Variants in RFC3 observed in about 807,000 individuals in gnomAD.
RFC3 encodes the protein A1 38 kDa subunit.
A neutral mutation model predicts 45.1 loss-of-function variants in RFC3; 41 were observed. The observed-to-expected ratio is 0.91, with a 90% confidence interval of 0.71 to 1.18. The LOEUF is 1.18. RFC3 is among the 50% of genes most tolerant of loss of function. The probability of loss-of-function intolerance (pLI) is 0.00; values close to 1 mark genes in which losing one functional copy is unlikely to be tolerated. For missense variants in RFC3, 423 were observed against 428.1 expected (o/e 0.99, Z 0.10); for synonymous variants, 149 against 144.0 (o/e 1.03, Z -0.25).
intron 8 of RFC3, among the ~76,000 whole-genome samples, chr13:33,959,122 T>C (rs956560000): frequency 6.6e-6 from 1 of 152,152 alleles, no homozygotes; most frequent in Non-Finnish European, 1.5e-5. Flanking sequence ...GAGTGCCCTT[T>C]GGTAACACTC....
At chr13:33,959,507 A>G (rs2083042811) in intron 8 of RFC3, among the ~76,000 whole-genome samples, 2 of 152,178 alleles carry the variant, frequency 1.3e-5, no homozygotes. Context: ...CATAAATTGC[A>G]TTCTTCCTAT....
chr13:33,913,609 A>G (rs1001944003), intron 8 of RFC3, among the ~76,000 whole-genome samples: 2 of 152,086 alleles, frequency 1.3e-5, no homozygotes, highest in African/African-American at 2.4e-5. Flanking sequence ...CAGTTTCTTT[A>G]TCTTTAAATG....
intron 8 of RFC3, among the ~76,000 whole-genome samples, chr13:33,955,490 G>A (rs992977379): frequency 1.3e-5 from 2 of 152,146 alleles, no homozygotes; most frequent in Admixed American, 6.5e-5. Flanking sequence ...AAGGAGGGGC[G>A]TGAAAGGGAA....
chr13:33,901,329 A>G (rs1230092313), intron 8 of RFC3, among the ~76,000 whole-genome samples: 2 of 152,114 alleles, frequency 1.3e-5, no homozygotes, highest in African/African-American at 4.8e-5. Flanking sequence ...AAAATGTGGT[A>G]TATATACACA....
At chr13:33,856,795 G>T (rs773071327) in intron 8 of RFC3, among the ~76,000 whole-genome samples, 36 of 152,116 alleles carry the variant, frequency 2.4e-4, no homozygotes, top group African/African-American at 8.5e-4. Context: ...TGGTAATTTT[G>T]TGAGTCCTGT....
intron 8 of RFC3, among the ~76,000 whole-genome samples, chr13:33,928,501 G>A (rs1185501113): frequency 1.3e-5 from 2 of 151,994 alleles, no homozygotes; most frequent in Admixed American, 1.3e-4. Flanking sequence ...GATATTCACG[G>A]GTATACACAA....
intron 6 of RFC3, 109 bp from the exon 7 acceptor site, chr13:33,831,147 C>G: frequency 1.4e-6 from 1 of 702,372 alleles, no homozygotes; most frequent in Non-Finnish European, 2.5e-6. Context: ...CTGCTCACTC[C>G]TGCTGTGCAG....
At chr13:33,848,575 C>T (rs2082255089) in intron 8 of RFC3, 1 of 152,012 alleles carries the variant, frequency 6.6e-6, no homozygotes, top group African/African-American at 2.4e-5. Context: ...GGGTGTAAAC[C>T]TTTAGCATGT....
chr13:33,912,158 A>G (rs564304033), intron 8 of RFC3, among the ~76,000 whole-genome samples: 1 of 152,222 alleles, frequency 6.6e-6, no homozygotes, highest in South Asian at 2.1e-4. Context: ...CAAGAAAAAA[A>G]AGTCCAAATC....
chr13:33,835,043 G>A (rs2082140297), intron 7 of RFC3, 105 bp from the exon 8 acceptor site: 2 of 658,880 alleles, frequency 3.0e-6, no homozygotes, highest in Non-Finnish European at 2.7e-6. Context: ...TGTTAATTCT[G>A]TATTGGATTG....
At chr13:33,966,167 A>G (rs748419653) in exon 9 of RFC3, 2 of 1,485,286 alleles carry the variant, frequency 1.3e-6, no homozygotes, top group South Asian at 2.3e-5. Flanking sequence ...GACTTCTCTC[A>G]TCTTTTAGCA....
chr13:33,960,952 C>T (rs2083053759), intron 8 of RFC3, among the ~76,000 whole-genome samples: 1 of 152,212 alleles, frequency 6.6e-6, no homozygotes, highest in South Asian at 2.1e-4. Flanking sequence ...GTCCCTACAT[C>T]ACTAGCCATT....
intron 8 of RFC3, 71 bp from the exon 9 acceptor site, chr13:33,836,033 G>A (rs2082150785): frequency 7.0e-7 from 1 of 1,435,636 alleles, no homozygotes; most frequent in Non-Finnish European, 9.5e-7. Flanking sequence ...GTCTTTTTGT[G>A]AATGGGAGAA....
At chr13:33,886,019 T>TA (rs145940330) in intron 8 of RFC3, among the ~76,000 whole-genome samples, 9,020 of 147,580 alleles carry the variant, frequency 0.061, 356 homozygotes, top group South Asian at 0.12. Flanking sequence ...TTTTCTCCCT[T>TA]AAAAAAAAAA....
intron 7 of RFC3, among the ~76,000 whole-genome samples, chr13:33,832,033 C>T (rs1470035749): frequency 2.0e-5 from 3 of 152,140 alleles, no homozygotes; most frequent in Admixed American, 6.6e-5. Context: ...AAATTGCTTC[C>T]GTTACTTCTG....
intron 1 of RFC3, 44 bp downstream of exon 1, chr13:33,818,309 C>T: frequency 5.2e-6 from 8 of 1,552,406 alleles, no homozygotes; most frequent in Non-Finnish European, 7.1e-6. Context: ...GGAGGCCCCC[C>T]GGCTCGGGGT....
At chr13:33,860,483 A>C (rs1486924295) in intron 8 of RFC3, among the ~76,000 whole-genome samples, 5 of 152,188 alleles carry the variant, frequency 3.3e-5, no homozygotes, top group Non-Finnish European at 7.4e-5. Flanking sequence ...CAGAGGAGGC[A>C]TTCCCAGTTG....
At chr13:33,834,385 T>TTC (rs1265002754) in intron 7 of RFC3, among the ~76,000 whole-genome samples, 11 of 145,130 alleles carry the variant, frequency 7.6e-5, no homozygotes, top group African/African-American at 2.6e-4. Context: ...ATTTGGAACT[T>TTC]TCTCTCTTTT....
chr13:33,898,118 A>C (rs2082613519), intron 8 of RFC3, among the ~76,000 whole-genome samples: 1 of 151,974 alleles, frequency 6.6e-6, no homozygotes, highest in African/African-American at 2.4e-5. Flanking sequence ...GTTTTTAAAA[A>C]CTCAACCATC....
Sources: allele counts gnomAD v4.1 joint callset (sites outside exome capture counted in the v4.1 genomes callset), GRCh38; gene constraint gnomAD v4.1.1; transcripts MANE v1.5; gene names NCBI Gene and HGNC (gene_info 2026-07-23, HGNC 2026-07-21).